The following DNAJC16 variants were observed in gnomAD, a reference collection of about 807,000 sequenced individuals.
DNAJC16 encodes DnaJ heat shock protein family (Hsp40) member C16, also known as dnaJ homolog subfamily C member 16.
A neutral mutation model predicts 92.7 loss-of-function variants in DNAJC16; 76 were observed. The ratio of observed to expected loss-of-function variants is 0.82; its 90% CI spans 0.68 to 0.99. The LOEUF is 0.99. DNAJC16 is among the 50% of genes least tolerant of loss of function. DNAJC16 has a pLI of 0.00. For synonymous variants in DNAJC16, 328 were observed against 358.7 expected (o/e 0.91, Z 0.97); for missense variants, 869 against 942.4 (o/e 0.92, Z 1.02).
At position 15,544,415 on chromosome 1, in the gene DNAJC16, G is replaced by A. The variant is rs759158291; in HGVS notation, c.591G>A (p.Val197=). The change falls in exon 5 of 15, where the codon GTG becomes GTA. Residue 197 remains valine (V), a synonymous_variant. Transcript: ENST00000375847. ...TCTTTTCAGGTGTAGGAATTGGCGT[G>A]GTCCATGCTGGGTATGAGAGACGCC... ...ELEELGVGIG[V]VHAGYERRLA... is the part of the protein sequence containing the mutation. 6.2e-7 allele frequency: 1 copy of A among 1,612,700 alleles called. No individual in the cohort carries two copies.
rs370576274 is a variant in DNAJC16 at position 15,566,508 on chromosome 1, G to A, written c.1778+328G>A. On this transcript the variant is annotated intron_variant, in intron 13 of 14. Coordinates refer to ENST00000375847, the MANE Select transcript of DNAJC16 (RefSeq NM_015291.4). Reference sequence around the variant, plus strand: ...GCGCACACACACCCAGCAGCAAGAGGCCAGGGTCTCCGAGACAAAGAACAT... The same window carrying A: ...GCGCACACACACCCAGCAGCAAGAGACCAGGGTCTCCGAGACAAAGAACAT... 1.9e-4 allele frequency: 55 copies of A among 289,046 alleles called. No individual in the cohort carries two copies. In the South Asian group the frequency reaches 2.7e-3, roughly 14 times the overall value. 17.9% of individuals were successfully genotyped at this position (289,046 alleles called of 1,614,324 possible).
chr1:15,565,765 C>T (rs752026893), intron 11 of DNAJC16, 154 bp from the exon 12 acceptor site: 1 of 718,180 alleles, frequency 1.4e-6, no homozygotes, highest in Non-Finnish European at 2.4e-6. Flanking sequence ...TTCCCCTCCA[C>T]CACCTCCACC....
intron 9 of DNAJC16, among the ~76,000 whole-genome samples, 159 bp downstream of exon 9, chr1:15,562,484 A>AT (rs367705157): frequency 1.6e-3 from 222 of 139,642 alleles, no homozygotes; most frequent in Admixed American, 2.1e-3. Flanking sequence ...CTTTTTCTTG[A>AT]TTTTTTTTTT....
chr1:15,535,931 A>T, intron 3 of DNAJC16, among the ~76,000 whole-genome samples: 1 of 141,446 alleles, frequency 7.1e-6, no homozygotes, highest in Non-Finnish European at 1.6e-5. Context: ...TGCCTGGCCG[A>T]TTTTTTTTTT....
At position 15,529,257 on chromosome 1, in the gene DNAJC16, A is replaced by C. The variant is rs761511967; in HGVS notation, c.152A>C (p.Lys51Thr). 2 of 1,609,276 alleles carry C rather than the reference A, an allele frequency of 1.2e-6. No individual in the cohort carries two copies. The highest frequency in any genetic ancestry group is 8.5e-7 in the Non-Finnish European group (1 of 1,176,300). Residue 51 changes from lysine (K) to threonine (T), a missense_variant, in exon 2 of 15, where the codon AAG becomes ACG. Transcript: ENST00000375847. ...GCTGATATTAAAAAGGCTTATAAGAAGCTCGCCCGGGAATGGTAGGTGAAA... is the reference window on the plus strand; with the variant it reads ...GCTGATATTAAAAAGGCTTATAAGACGCTCGCCCGGGAATGGTAGGTGAAA... ...SQADIKKAYKKLAREWHPDKN... is the reference protein window; with the variant it reads ...SQADIKKAYKTLAREWHPDKN...
intron 11 of DNAJC16, chr1:15,565,188 A>T (rs373479747): frequency 1.3e-5 from 2 of 152,448 alleles, no homozygotes; most frequent in South Asian, 2.1e-4. Flanking sequence ...CTAGGAAAGG[A>T]TCACCCATGG....
intron 4 of DNAJC16, among the ~76,000 whole-genome samples, chr1:15,537,787 G>T (rs1710829290): frequency 6.6e-6 from 1 of 152,186 alleles, no homozygotes; most frequent in African/African-American, 2.4e-5. Context: ...TGAAGGTTAA[G>T]GAACTAATTC....
chr1:15,535,013 G>A (rs1383050186), intron 3 of DNAJC16, among the ~76,000 whole-genome samples: 1 of 152,228 alleles, frequency 6.6e-6, no homozygotes, highest in African/African-American at 2.4e-5. Flanking sequence ...TCTGGAATAT[G>A]CATCAAAGAG....
At position 15,536,604 on chromosome 1, in the gene DNAJC16, G is replaced by A. The variant is rs1570902458; in HGVS notation, c.364G>A (p.Asp122Asn). ...FRHFHENFYF[D>N]ESFFHFPFNS... ...CCATTTCCATGAAAATTTTTATTTTGATGAATCCTTTTTTCACTTCCCTTT... is the reference window on the plus strand; with the variant it reads ...CCATTTCCATGAAAATTTTTATTTTAATGAATCCTTTTTTCACTTCCCTTT... The change falls in exon 4 of 15, where the codon GAT becomes AAT. Residue 122 changes from aspartate (D) to asparagine (N), a missense_variant. Transcript: ENST00000375847. 6.2e-7 allele frequency: 1 copy of A among 1,614,164 alleles called. No homozygotes were observed. Among genetic ancestry groups the A allele is most frequent in the East Asian group, 2.2e-5 (1 of 44,886 alleles).
intron 4 of DNAJC16, 126 bp from the exon 5 acceptor site, chr1:15,544,273 G>A (rs778857548): frequency 7.7e-6 from 7 of 914,390 alleles, no homozygotes; most frequent in Non-Finnish European, 1.1e-5. Context: ...ATGCTAGACA[G>A]TCTATTAGGA....
rs147078756 is a variant in DNAJC16 at position 15,568,871 on chromosome 1, GAC to G, written c.*697_*698del. The G allele has an allele frequency of 1.4e-3, 545 of 396,364 alleles. 6 individuals carry two copies. The East Asian group carries it at 0.018, about 13-fold the overall frequency. 24.6% of individuals were successfully genotyped at this position (396,364 alleles called of 1,614,324 possible). On this transcript the variant is annotated 3_prime_UTR_variant, in exon 15 of 15. Transcript: ENST00000375847. Reference sequence around the variant, plus strand: ...AGTGGCTGAAGCGATGCAGCCTTGAGACACGCTGTGAGCATCCCATCCGCCGC... The same window carrying G: ...AGTGGCTGAAGCGATGCAGCCTTGAGACGCTGTGAGCATCCCATCCGCCGC...
chr1:15,568,214 T>C lies in DNAJC16; in HGVS notation c.*37T>C, dbSNP rs759381516. 4 of 1,543,466 alleles carry C rather than the reference T, an allele frequency of 2.6e-6. No homozygotes were observed. The Admixed American group carries it at 7.6e-5, about 29-fold the overall frequency. ...AAAGAGATTTGAACTCTTCAGACTT[T>C]TTAACATGCCCCTGTGAACAGGTAT... On this transcript the variant is annotated 3_prime_UTR_variant, in exon 15 of 15. Coordinates refer to ENST00000375847, the MANE Select transcript of DNAJC16 (RefSeq NM_015291.4).
intron 4 of DNAJC16, 124 bp from the exon 5 acceptor site, chr1:15,544,275 C>CT: frequency 2.1e-6 from 2 of 934,720 alleles, no homozygotes; most frequent in South Asian, 2.0e-5. Flanking sequence ...GCTAGACAGT[C>CT]TATTAGGAAA....
rs375931534 is a variant in DNAJC16 at position 15,559,623 on chromosome 1, T to A, written c.1121T>A (p.Leu374His). 63 of 1,614,198 alleles carry A rather than the reference T, an allele frequency of 3.9e-5. No homozygotes were observed. The African/African-American group carries it at 7.7e-4, about 20-fold the overall frequency. Residue 374 changes from leucine to histidine, a missense_variant, in exon 8 of 15, where the codon CTC (leucine) becomes CAC (histidine). Coordinates refer to ENST00000375847, the MANE Select transcript of DNAJC16 (RefSeq NM_015291.4). ...ACCAGCCAGAAGTTGTTCCATGAAC[T>A]CTGCCCTGTGAAACGGTCGCATCGA... The part of the protein sequence containing the change: ...RLTSQKLFHE[L>H]CPVKRSHRQR...
chr1:15,528,583 G>T (rs779605437), intron 1 of DNAJC16, among the ~76,000 whole-genome samples: 1 of 152,188 alleles, frequency 6.6e-6, no homozygotes, highest in Non-Finnish European at 1.5e-5. Flanking sequence ...GTCCATGTTT[G>T]TACTTATTTA....
chr1:15,529,287 G>A lies in DNAJC16; in HGVS notation c.167+15G>A. On this transcript the variant is annotated intron_variant, in intron 2 of 14. Coordinates refer to ENST00000375847, the MANE Select transcript of DNAJC16 (RefSeq NM_015291.4). Reference sequence around the variant, plus strand: ...GCCCGGGAATGGTAGGTGAAACAAAGAAATAGAGGTTTAACATAAGCTAAA... The same window carrying A: ...GCCCGGGAATGGTAGGTGAAACAAAAAAATAGAGGTTTAACATAAGCTAAA... 1 of 1,603,372 alleles carries A rather than the reference G, an allele frequency of 6.2e-7. No individual in the cohort carries two copies.
intron 7 of DNAJC16, among the ~76,000 whole-genome samples, chr1:15,549,541 G>C (rs187003684): frequency 1.3e-5 from 2 of 152,180 alleles, no homozygotes; most frequent in Admixed American, 6.5e-5. Flanking sequence ...GAAGCCGGGC[G>C]TGGTGGCTCA....
intron 7 of DNAJC16, among the ~76,000 whole-genome samples, chr1:15,552,371 C>T (rs1221963217): frequency 1.3e-5 from 2 of 151,960 alleles, no homozygotes. Flanking sequence ...CACCTGTAGT[C>T]CCAGCTATTC....
chr1:15,546,353 G>T (rs1226259218), intron 5 of DNAJC16, among the ~76,000 whole-genome samples: 1 of 152,162 alleles, frequency 6.6e-6, no homozygotes, highest in Non-Finnish European at 1.5e-5. Flanking sequence ...ACTGAGGTGT[G>T]ATAGATAGAT....
Sources: gnomAD v4.1 joint callset for allele counts (sites outside exome capture counted in the v4.1 genomes callset) on GRCh38, gnomAD v4.1.1 for gene constraint, MANE v1.5 for transcripts, NCBI Gene and HGNC (gene_info 2026-07-23, HGNC 2026-07-21) for gene names.